Variants in GALNT9 observed in about 807,000 individuals in gnomAD.
The protein encoded by GALNT9 is polypeptide N-acetylgalactosaminyltransferase 9.
A neutral mutation model predicts 63.1 loss-of-function variants in GALNT9; 47 were observed. The ratio of observed to expected loss-of-function variants is 0.75; its 90% CI spans 0.59 to 0.95. The LOEUF (loss-of-function observed/expected upper bound fraction) is 0.95, where lower values mean the gene tolerates loss of function less well. Ranked by LOEUF, GALNT9 falls within the 40% of genes least tolerant of loss-of-function variation. The probability of loss-of-function intolerance (pLI) is 0.00; values close to 1 mark genes in which losing one functional copy is unlikely to be tolerated. For missense variants in GALNT9, 829 were observed against 874.8 expected, an observed-to-expected ratio of 0.95 and a Z score of 0.66; for synonymous variants, 396 against 365.7, an observed-to-expected ratio of 1.08 and a Z score of -0.94.
At chr12:132,301,170 C>T (rs913880200) in intron 1 of GALNT9, among the ~76,000 whole-genome samples, 2 of 152,258 alleles carry the variant, frequency 1.3e-5, no homozygotes, top group Admixed American at 1.3e-4. Context: ...CACAGTGCTC[C>T]GAACTGCAAA....
intron 2 of GALNT9, among the ~76,000 whole-genome samples, chr12:132,284,791 TG>T (rs1880523459): frequency 6.6e-6 from 1 of 152,174 alleles, no homozygotes; most frequent in Admixed American, 6.5e-5. Flanking sequence ...CACGCATTTG[TG>T]GGAAGGGTGT....
chr12:132,297,005 C>G (rs2135571316), intron 1 of GALNT9, among the ~76,000 whole-genome samples: 1 of 152,196 alleles, frequency 6.6e-6, no homozygotes, highest in African/African-American at 2.4e-5. Flanking sequence ...CAAGTCACTC[C>G]CAACACAACC....
At chr12:132,264,668 T>A (rs185443723) in intron 2 of GALNT9, among the ~76,000 whole-genome samples, 5 of 152,188 alleles carry the variant, frequency 3.3e-5, no homozygotes, top group Non-Finnish European at 4.4e-5. Flanking sequence ...AGGAAAAGCA[T>A]CCCTGTGTCT....
chr12:132,211,316 C>G (rs908535332), intron 6 of GALNT9, among the ~76,000 whole-genome samples: 1 of 152,192 alleles, frequency 6.6e-6, no homozygotes, highest in East Asian at 1.9e-4. Context: ...GAACTTATTT[C>G]TCATTGGCAA....
chr12:132,286,375 G>A lies in GALNT9; in HGVS notation c.294C>T (p.Gly98=). The change falls in exon 2 of 11, where the codon GGC becomes GGT. Residue 98 remains glycine (G), a synonymous_variant. Transcript: ENST00000328957. The surrounding 1 kb of genome is among the most constrained non-coding windows in gnomAD (Gnocchi z 7.4). The part of the protein sequence containing the change: ...VEGPGGLGQG[G]LAATLRDDGQ... Reference sequence around the variant, plus strand: ...CGTCATCACGCAGGGTGGCCGCCAAGCCACCCTGGCCCAGGCCTCCTGGCC... The same window carrying A: ...CGTCATCACGCAGGGTGGCCGCCAAACCACCCTGGCCCAGGCCTCCTGGCC... The A allele has an allele frequency of 6.4e-7, 1 of 1,550,856 alleles. No individual in the cohort carries two copies. Among genetic ancestry groups the A allele is most frequent in the Non-Finnish European group, 8.7e-7 (1 of 1,146,844 alleles).
chr12:132,312,229 T>A (rs1881839776), intron 1 of GALNT9, among the ~76,000 whole-genome samples: 1 of 152,260 alleles, frequency 6.6e-6, no homozygotes, highest in Non-Finnish European at 1.5e-5. Flanking sequence ...TTGATAAATC[T>A]TCATACATAA....
intron 2 of GALNT9, chr12:132,274,691 A>C (rs782307411): frequency 6.6e-6 from 1 of 152,274 alleles, no homozygotes; most frequent in African/African-American, 2.4e-5. Context: ...TGAGTCTCCA[A>C]ATGGTTTTGT....
At chr12:132,308,775 G>A (rs1259520730) in intron 1 of GALNT9, among the ~76,000 whole-genome samples, 1 of 152,186 alleles carries the variant, frequency 6.6e-6, no homozygotes, top group Non-Finnish European at 1.5e-5. Context: ...GACCTACCAG[G>A]CTGAGACTCC....
rs1401253527 is a variant in GALNT9, at chr12:132,286,670, G to A, written c.239-240C>T. On this transcript the variant is annotated intron_variant, in intron 1 of 10. Transcript: ENST00000328957. This position sits in a 1 kb window ranked among gnomAD's most constrained non-coding sequence, Gnocchi z 7.4. The stretch of plus-strand genomic sequence containing the variant: ...ATGAATGGGTGGTACATGAGGCGTT[G>A]AAGGCAGTGGACTCTGTGTGATGCT... Among the ~76,000 whole-genome samples the A allele has an allele frequency of 6.6e-6, 1 of 152,216 alleles. No individual in the cohort carries two copies. Among genetic ancestry groups the A allele is most frequent in the Non-Finnish European group, 1.5e-5 (1 of 68,032 alleles).
At chr12:132,251,392 G>A (rs73469806) in intron 5 of GALNT9, among the ~76,000 whole-genome samples, 6 of 152,330 alleles carry the variant, frequency 3.9e-5, no homozygotes, top group Admixed American at 6.5e-5. Flanking sequence ...GAAACAGGCC[G>A]GTGCTCTGCG....
chr12:132,321,618 G>A (rs1868804076), intron 1 of GALNT9, among the ~76,000 whole-genome samples: 1 of 151,938 alleles, frequency 6.6e-6, no homozygotes, highest in South Asian at 2.1e-4. Flanking sequence ...GGCCCACTGT[G>A]GCCTCTGCAC....
intron 1 of GALNT9, among the ~76,000 whole-genome samples, chr12:132,313,686 C>T (rs1314735463): frequency 1.3e-4 from 19 of 143,144 alleles, no homozygotes; most frequent in Non-Finnish European, 2.4e-4. Context: ...ACCCACCCAT[C>T]CATCCATTCA....
intron 2 of GALNT9, chr12:132,283,574 G>A (rs1301331267): frequency 6.6e-6 from 1 of 152,400 alleles, no homozygotes; most frequent in East Asian, 1.9e-4. Context: ...TGGGATTCAC[G>A]GTGGGCACTT....
intron 1 of GALNT9, among the ~76,000 whole-genome samples, chr12:132,320,353 C>T (rs1187650825): frequency 3.9e-5 from 6 of 152,208 alleles, no homozygotes; most frequent in African/African-American, 1.2e-4. Context: ...CCAGAGCCCT[C>T]GAGGGCCACG....
intron 6 of GALNT9, among the ~76,000 whole-genome samples, chr12:132,204,583 G>A (rs924738070): frequency 1.3e-5 from 2 of 152,242 alleles, no homozygotes; most frequent in Non-Finnish European, 2.9e-5. Context: ...TCTCCTGGGC[G>A]CCTGCCAGCC....
At position 132,328,954 on chromosome 12, in the gene GALNT9, G is replaced by A. The variant is rs1555246705; in HGVS notation, c.238+12C>T. The A allele has an allele frequency of 3.3e-6, 5 of 1,509,746 alleles. No homozygotes were observed. In the African/African-American group the frequency reaches 5.6e-5, roughly 17 times the overall value. 93.5% of individuals were successfully genotyped at this position (1,509,746 alleles called of 1,614,324 possible). ...AGGGCTGCCCCCACTCCGCCCCGGCGCCCCCGCTCACCGTTGAGCTGGTTG... is the reference window on the plus strand; with the variant it reads ...AGGGCTGCCCCCACTCCGCCCCGGCACCCCCGCTCACCGTTGAGCTGGTTG... On this transcript the variant is annotated intron_variant, in intron 1 of 10. Transcript: ENST00000328957.
intron 1 of GALNT9, among the ~76,000 whole-genome samples, chr12:132,293,522 AC>A (rs1406361819): frequency 7.2e-5 from 11 of 152,180 alleles, no homozygotes; most frequent in African/African-American, 2.7e-4. Flanking sequence ...TATCTCAGAC[AC>A]TTGTGCCCTG....
intron 6 of GALNT9, among the ~76,000 whole-genome samples, chr12:132,213,646 T>C (rs919949648): frequency 6.6e-6 from 1 of 152,226 alleles, no homozygotes; most frequent in African/African-American, 2.4e-5. Context: ...CAGCCTCTGA[T>C]GTACCTGCAG....
At chr12:132,255,692 C>T (rs1879080636) in intron 5 of GALNT9, among the ~76,000 whole-genome samples, 1 of 152,226 alleles carries the variant, frequency 6.6e-6, no homozygotes, top group African/African-American at 2.4e-5. Flanking sequence ...CACTTCCGGT[C>T]CTCCCGCCTT....
Sources: allele counts gnomAD v4.1 joint callset (sites outside exome capture counted in the v4.1 genomes callset), GRCh38; gene constraint gnomAD v4.1.1; non-coding constraint Gnocchi (gnomAD v3.1); transcripts MANE v1.5; gene names NCBI Gene and HGNC (gene_info 2026-07-23, HGNC 2026-07-21).